Variants in KHDRBS2 observed in about 807,000 individuals in gnomAD.
KHDRBS2 encodes KH domain-containing, RNA-binding, signal transduction-associated protein 2.
KHDRBS2 carries 26 observed loss-of-function variants against 44.3 expected under a neutral mutation model. The ratio of observed to expected loss-of-function variants is 0.59; its 90% CI spans 0.43 to 0.81. The LOEUF is 0.81. Among genes scored for constraint, KHDRBS2 ranks in the 40% least tolerant of loss-of-function variants. KHDRBS2 has a pLI of 0.00. For missense variants in KHDRBS2, 476 were observed against 433.1 expected, an observed-to-expected ratio of 1.10 and a Z score of -0.88; for synonymous variants, 194 against 151.1, an observed-to-expected ratio of 1.28 and a Z score of -2.08.
chr6:61,909,184 G>T (rs1255986539), intron 4 of KHDRBS2, among the ~76,000 whole-genome samples: 1 of 151,290 alleles, frequency 6.6e-6, no homozygotes, highest in Non-Finnish European at 1.5e-5. Context: ...CTCCCACCCT[G>T]GTCTCCTGAG....
intron 1 of KHDRBS2, among the ~76,000 whole-genome samples, chr6:62,250,291 A>G (rs1277052274): frequency 6.6e-6 from 1 of 152,122 alleles, no homozygotes; most frequent in Admixed American, 6.6e-5. Flanking sequence ...TCCTGTAAAT[A>G]ATACCATAAA....
chr6:62,034,732 C>A (rs1425552031), intron 3 of KHDRBS2, among the ~76,000 whole-genome samples: 6 of 133,120 alleles, frequency 4.5e-5, no homozygotes, highest in Admixed American at 7.7e-5. Flanking sequence ...CTCCTCAAAT[C>A]AGGAAGATGA....
chr6:62,247,256 T>C (rs115954267), intron 1 of KHDRBS2, among the ~76,000 whole-genome samples: 252 of 152,118 alleles, frequency 1.7e-3, no homozygotes, highest in African/African-American at 5.8e-3. Flanking sequence ...AATTGTGTTT[T>C]TTGCCATTAA....
At chr6:62,023,881 C>G (rs1782798234) in intron 3 of KHDRBS2, among the ~76,000 whole-genome samples, 1 of 150,686 alleles carries the variant, frequency 6.6e-6, no homozygotes, top group South Asian at 2.1e-4. Flanking sequence ...AAAAACAAAG[C>G]AAGAGGCTTT....
downstream of KHDRBS2, among the ~76,000 whole-genome samples, chr6:61,676,427 T>A (rs2127536017): frequency 6.6e-6 from 1 of 151,988 alleles, no homozygotes; most frequent in South Asian, 2.1e-4. Context: ...AGGGATTTAT[T>A]TTTCCCCTTC....
intron 2 of KHDRBS2, among the ~76,000 whole-genome samples, chr6:62,139,170 G>A (rs889247965): frequency 2.0e-5 from 3 of 151,938 alleles, no homozygotes; most frequent in African/African-American, 7.3e-5. Flanking sequence ...AAAAAAAATT[G>A]TTCCCTAGAT....
intron 2 of KHDRBS2, among the ~76,000 whole-genome samples, chr6:62,163,595 T>C (rs762642024): frequency 7.2e-5 from 11 of 152,056 alleles, no homozygotes; most frequent in Non-Finnish European, 1.6e-4. Context: ...CTTTTCCGTC[T>C]GTGGGCCTTT....
chr6:61,913,367 T>C (rs1806397542), intron 4 of KHDRBS2, among the ~76,000 whole-genome samples: 1 of 152,040 alleles, frequency 6.6e-6, no homozygotes, highest in Admixed American at 6.6e-5. Context: ...AAGCTCATAC[T>C]GCTCAGCACT....
intron 2 of KHDRBS2, among the ~76,000 whole-genome samples, chr6:62,168,802 T>A (rs1480253703): frequency 6.6e-6 from 1 of 151,920 alleles, no homozygotes; most frequent in Non-Finnish European, 1.5e-5. Context: ...ACATAGTTCC[T>A]ATGCTACAAA....
At chr6:61,835,411 C>T (rs1792488654) in intron 6 of KHDRBS2, among the ~76,000 whole-genome samples, 1 of 152,020 alleles carries the variant, frequency 6.6e-6, no homozygotes, top group South Asian at 2.1e-4. Context: ...CTGGATACAG[C>T]TCATCAATCA....
chr6:61,851,369 T>C (rs1795392721), intron 6 of KHDRBS2, among the ~76,000 whole-genome samples: 1 of 152,088 alleles, frequency 6.6e-6, no homozygotes, highest in African/African-American at 2.4e-5. Context: ...CATCTGTATG[T>C]TGTTTGGGAC....
chr6:61,996,890 C>A (rs1777292170), intron 3 of KHDRBS2, among the ~76,000 whole-genome samples: 1 of 144,016 alleles, frequency 6.9e-6, no homozygotes, highest in South Asian at 2.4e-4. Flanking sequence ...TTAAGCAATT[C>A]TCCTGCCTCA....
At chr6:61,622,270 G>T in the KHDRBS2 span, among the ~76,000 whole-genome samples, 1 of 152,144 alleles carries the variant, frequency 6.6e-6, no homozygotes, top group African/African-American at 2.4e-5. Flanking sequence ...ACACTATGAA[G>T]TTCTCTCCTC....
At chr6:62,193,999 C>A (rs1189856788) in intron 1 of KHDRBS2, among the ~76,000 whole-genome samples, 1 of 152,044 alleles carries the variant, frequency 6.6e-6, no homozygotes, top group Non-Finnish European at 1.5e-5. Flanking sequence ...AAATAATTTG[C>A]AAATATTTGT....
chr6:61,569,696 G>C, the KHDRBS2 span, among the ~76,000 whole-genome samples: 2 of 152,182 alleles, frequency 1.3e-5, no homozygotes, highest in African/African-American at 4.8e-5. Context: ...ACCTCCACCA[G>C]AGCAGGTGCT....
chr6:61,639,361 T>C, the KHDRBS2 span, among the ~76,000 whole-genome samples: 2 of 152,106 alleles, frequency 1.3e-5, no homozygotes, highest in Admixed American at 6.6e-5. Context: ...ATTTCTTGAA[T>C]ATATTTCTTA....
intron 4 of KHDRBS2, among the ~76,000 whole-genome samples, chr6:61,907,129 T>C (rs1805187238): frequency 6.6e-6 from 1 of 152,212 alleles, no homozygotes; most frequent in Admixed American, 6.5e-5. Context: ...CATTGCAGTT[T>C]TGATTTGCAT....
chr6:61,600,923 C>T, the KHDRBS2 span, among the ~76,000 whole-genome samples: 30 of 152,138 alleles, frequency 2.0e-4, no homozygotes, highest in East Asian at 5.8e-4. Flanking sequence ...CAAAGAGATG[C>T]GTTTTATCTA....
intron 6 of KHDRBS2, among the ~76,000 whole-genome samples, chr6:61,774,555 A>G (rs1388207504): frequency 6.6e-6 from 1 of 152,194 alleles, no homozygotes; most frequent in Non-Finnish European, 1.5e-5. Flanking sequence ...AATTGCTTCA[A>G]AGAGAATAAA....
Sources: gnomAD v4.1 joint callset for allele counts (sites outside exome capture counted in the v4.1 genomes callset) on GRCh38, gnomAD v4.1.1 for gene constraint, MANE v1.5 for transcripts, NCBI Gene and HGNC (gene_info 2026-07-23, HGNC 2026-07-21) for gene names.